Variants in KCNJ6 observed in about 807,000 individuals in gnomAD.
KCNJ6 encodes the protein G protein-activated inward rectifier potassium channel 2.
KCNJ6 carries 9 observed loss-of-function variants against 34.2 expected under a neutral mutation model. The observed-to-expected ratio is 0.26, with a 90% confidence interval of 0.16 to 0.46. KCNJ6 has a LOEUF of 0.46. Ranked by LOEUF, KCNJ6 falls within the 20% of genes least tolerant of loss-of-function variation. KCNJ6 has a pLI of 1.00. For missense variants in KCNJ6, 236 were observed against 531.3 expected (o/e 0.44, Z 5.46); for synonymous variants, 196 against 207.1 (o/e 0.95, Z 0.46).
chr21:37,725,275 C>T (rs913412087), intron 2 of KCNJ6, among the ~76,000 whole-genome samples: 1 of 152,170 alleles, frequency 6.6e-6, no homozygotes, highest in Admixed American at 6.5e-5. Flanking sequence ...TGCTGGTAAT[C>T]CCAGCTACTT....
At chr21:37,648,119 G>T (rs946436208) in intron 3 of KCNJ6, among the ~76,000 whole-genome samples, 4 of 152,150 alleles carry the variant, frequency 2.6e-5, no homozygotes, top group African/African-American at 9.7e-5. Flanking sequence ...CCCAGGGAGG[G>T]GGACATCAGG....
intron 3 of KCNJ6, among the ~76,000 whole-genome samples, chr21:37,705,548 C>T (rs1273728513): frequency 1.3e-5 from 2 of 152,212 alleles, no homozygotes; most frequent in Non-Finnish European, 2.9e-5. Flanking sequence ...TGAGCACCTA[C>T]TACGCACCAG....
intron 2 of KCNJ6, among the ~76,000 whole-genome samples, chr21:37,827,565 A>T (rs1401978078): frequency 6.6e-6 from 1 of 152,074 alleles, no homozygotes; most frequent in Non-Finnish European, 1.5e-5. Context: ...GGTTGAATAC[A>T]GTACAAGGTG....
chr21:37,751,342 AGT>A (rs1056109503), intron 2 of KCNJ6, among the ~76,000 whole-genome samples: 2 of 152,200 alleles, frequency 1.3e-5, no homozygotes, highest in Non-Finnish European at 2.9e-5. Context: ...AAACATGGAG[AGT>A]GTTACCTGCT....
In KCNJ6 at chr21:37,607,609, G is replaced by A. The variant is rs998839782; in HGVS notation, c.*17550C>T. On this transcript the variant is annotated 3_prime_UTR_variant, in exon 4 of 4. Transcript: ENST00000609713. ...ACATACTTGGAGTTGAGTAAAGGGA[G>A]TTACAAAAGGACCAAAAAATGGGAC... 6 of 151,908 alleles carry A rather than the reference G, an allele frequency of 3.9e-5. No individual in the cohort carries two copies. Among genetic ancestry groups the A allele is most frequent in the Non-Finnish European group, 8.8e-5 (6 of 67,996 alleles). The allele number at this position is 151,908 out of a possible 1,614,324, so 9.4% of individuals were successfully genotyped here.
chr21:37,837,380 A>C (rs1005832331), intron 2 of KCNJ6, among the ~76,000 whole-genome samples: 1 of 152,198 alleles, frequency 6.6e-6, no homozygotes, highest in African/African-American at 2.4e-5. Flanking sequence ...TTTAAAATCT[A>C]TCTCTTGCTT....
intron 1 of KCNJ6, among the ~76,000 whole-genome samples, chr21:37,909,661 C>T (rs1034686467): frequency 1.3e-5 from 2 of 152,162 alleles, no homozygotes; most frequent in Non-Finnish European, 2.9e-5. Context: ...TAAGCCACCG[C>T]TCCTGGCCTG....
rs1459624836 is a variant in KCNJ6 at position 37,610,592 on chromosome 21, CTG to C, written c.*14565_*14566del. 3.2e-5 allele frequency: 2 copies of C among 62,708 alleles called. No homozygotes were observed. Among genetic ancestry groups the C allele is most frequent in the Non-Finnish European group, 5.3e-5 (2 of 37,630 alleles). The allele number at this position is 62,708 out of a possible 1,614,324, so 3.9% of individuals were successfully genotyped here. A position where few individuals can be genotyped will look rare whatever the true frequency, so the allele number is the denominator to read the frequency against. On this transcript the variant is annotated 3_prime_UTR_variant, in exon 4 of 4. Coordinates refer to ENST00000609713, the MANE Select transcript of KCNJ6 (RefSeq NM_002240.5). The stretch of plus-strand genomic sequence containing the variant: ...CCAGCCTGGGCAACAGAGTGAGACT[CTG>C]TCTTAAAAAAAAAAAAAAAAAAAAA...
Position 37,623,654 on chromosome 21 carries a change from A to T in KCNJ6, c.*1505T>A, listed in dbSNP as rs1213973962. The T allele has an allele frequency of 6.6e-6, 1 of 151,082 alleles. No homozygotes were observed. The highest frequency in any genetic ancestry group is 2.4e-5 in the African/African-American group (1 of 40,960). The allele number at this position is 151,082 out of a possible 1,614,324, so 9.4% of individuals were successfully genotyped here. A position where few individuals can be genotyped will look rare whatever the true frequency, so the allele number is the denominator to read the frequency against. On this transcript the variant is annotated 3_prime_UTR_variant, in exon 4 of 4. Transcript: ENST00000609713. Reference sequence around the variant, plus strand: ...CCTTCCTCCCTTCTTTCCTTTTTGCAGATTAAAGTGAATTAAGGCTGGAAT... The same window carrying T: ...CCTTCCTCCCTTCTTTCCTTTTTGCTGATTAAAGTGAATTAAGGCTGGAAT...
chr21:37,653,188 T>C (rs532311511), intron 3 of KCNJ6, among the ~76,000 whole-genome samples: 1 of 151,670 alleles, frequency 6.6e-6, no homozygotes, highest in South Asian at 2.1e-4. Flanking sequence ...AACAAAGGAG[T>C]AAAAAGGGAA....
chr21:37,657,932 G>C (rs749893977), intron 3 of KCNJ6, among the ~76,000 whole-genome samples: 2 of 152,240 alleles, frequency 1.3e-5, no homozygotes, highest in African/African-American at 2.4e-5. Flanking sequence ...GGTGAGTCGG[G>C]ATTTGAACTC....
At chr21:37,674,210 T>C (rs768956844) in intron 3 of KCNJ6, among the ~76,000 whole-genome samples, 4 of 152,222 alleles carry the variant, frequency 2.6e-5, no homozygotes, top group Non-Finnish European at 5.9e-5. Flanking sequence ...CTTTCCCCAG[T>C]TACTGGCTGC....
intron 1 of KCNJ6, among the ~76,000 whole-genome samples, chr21:37,908,050 A>G (rs1158595347): frequency 1.3e-5 from 2 of 152,224 alleles, no homozygotes; most frequent in Non-Finnish European, 2.9e-5. Flanking sequence ...TGCCCCATGG[A>G]AGGATTAACA....
chr21:37,780,613 C>G (rs1363448877), intron 2 of KCNJ6, among the ~76,000 whole-genome samples: 1 of 152,074 alleles, frequency 6.6e-6, no homozygotes. Context: ...GGGGAATGCT[C>G]TGTACTTTCT....
intron 3 of KCNJ6, among the ~76,000 whole-genome samples, chr21:37,630,130 A>ATC (rs1448485832): frequency 1.8e-4 from 9 of 49,370 alleles, no homozygotes; most frequent in Non-Finnish European, 2.8e-4. Context: ...CCAAGATGAC[A>ATC]TCTCTGTGTG....
intron 2 of KCNJ6, among the ~76,000 whole-genome samples, chr21:37,825,694 T>C (rs1435940624): frequency 1.3e-5 from 2 of 152,086 alleles, no homozygotes; most frequent in Non-Finnish European, 2.9e-5. Flanking sequence ...TACCCAAGAC[T>C]GGGTAATTTA....
At chr21:37,827,517 A>G (rs1215739725) in intron 2 of KCNJ6, among the ~76,000 whole-genome samples, 1 of 142,142 alleles carries the variant, frequency 7.0e-6, no homozygotes, top group Non-Finnish European at 1.5e-5. Context: ...TGACATCATA[A>G]CCCTTGGGTT....
intron 3 of KCNJ6, among the ~76,000 whole-genome samples, chr21:37,687,161 G>A (rs772738101): frequency 3.3e-5 from 5 of 151,986 alleles, no homozygotes; most frequent in East Asian, 1.9e-4. Flanking sequence ...CATGACAGGC[G>A]CCTCTTAACC....
chr21:37,722,237 C>A (rs2123459657), intron 2 of KCNJ6, among the ~76,000 whole-genome samples: 1 of 152,160 alleles, frequency 6.6e-6, no homozygotes, highest in South Asian at 2.1e-4. Flanking sequence ...ATATATCTAA[C>A]CAAGGAGGTG....
Sources: gnomAD v4.1 joint callset for allele counts (sites outside exome capture counted in the v4.1 genomes callset) on GRCh38, gnomAD v4.1.1 for gene constraint, MANE v1.5 for transcripts, NCBI Gene and HGNC (gene_info 2026-07-23, HGNC 2026-07-21) for gene names.